Variants in BEGAIN observed in about 807,000 individuals in gnomAD.
BEGAIN encodes brain enriched guanylate kinase associated.
A neutral mutation model predicts 35.8 loss-of-function variants in BEGAIN; 19 were observed. The observed-to-expected ratio is 0.53, with a 90% CI of 0.37 to 0.78. BEGAIN has a LOEUF of 0.78. Among genes scored for constraint, BEGAIN ranks in the 30% least tolerant of loss-of-function variants. BEGAIN has a pLI of 0.00. For missense variants in BEGAIN, 795 were observed against 853.6 expected, an observed-to-expected ratio of 0.93 and a Z score of 0.85; for synonymous variants, 462 against 388.6, an observed-to-expected ratio of 1.19 and a Z score of -2.22.
rs1325588508 is a variant in BEGAIN, at chr14:100,568,262, C to T, written c.43-323G>A. 2.8e-5 allele frequency: 18 copies of T among 638,026 alleles called. No homozygotes were observed. Among genetic ancestry groups the T allele is most frequent in the African/African-American group, 2.2e-4 (11 of 50,518 alleles). The allele number at this position is 638,026 out of a possible 1,614,324, so 39.5% of individuals were successfully genotyped here. A position where few individuals can be genotyped will look rare whatever the true frequency, so the allele number is the denominator to read the frequency against. On this transcript the variant is annotated intron_variant, in intron 1 of 6. Coordinates refer to ENST00000554140, the MANE Select transcript of BEGAIN (RefSeq NM_001385089.1). This position sits in a 1 kb window ranked among gnomAD's most constrained non-coding sequence, Gnocchi z 7.5. ...CTCGGCCTCGCCCGGAGGAGGGGGA[C>T]TCGGCCTGTCCCCGTTAACTCTCCG...
At chr14:100,584,286 G>A (rs1286339639) in intron 1 of BEGAIN, among the ~76,000 whole-genome samples, 1 of 152,180 alleles carries the variant, frequency 6.6e-6, no homozygotes, top group Non-Finnish European at 1.5e-5. Context: ...CTGGGCCCTG[G>A]CTGATCCCCA....
intron 2 of BEGAIN, among the ~76,000 whole-genome samples, chr14:100,559,082 T>C (rs1257505517): frequency 6.6e-6 from 1 of 152,154 alleles, no homozygotes; most frequent in Non-Finnish European, 1.5e-5. Flanking sequence ...GCCCCAGAGA[T>C]GCTCACACCA....
chr14:100,551,936 G>A (rs2033244269), intron 2 of BEGAIN, among the ~76,000 whole-genome samples: 2 of 152,194 alleles, frequency 1.3e-5, no homozygotes, highest in African/African-American at 4.8e-5. Flanking sequence ...CCGGTCCCAG[G>A]TCTACCCTCA....
chr14:100,546,714 C>T, intron 2 of BEGAIN, 52 bp from the exon 3 acceptor site: 2 of 1,499,382 alleles, frequency 1.3e-6, no homozygotes, highest in Admixed American at 4.4e-5. Context: ...GCGGGGGAAA[C>T]TAAGGCCCGC....
intron 2 of BEGAIN, among the ~76,000 whole-genome samples, chr14:100,561,688 C>T (rs1050432444): frequency 6.6e-6 from 1 of 151,812 alleles, no homozygotes; most frequent in Non-Finnish European, 1.5e-5. Flanking sequence ...GGACTGCACT[C>T]CAGCCTGGCG....
chr14:100,567,099 G>T lies in BEGAIN; in HGVS notation c.71+812C>A, dbSNP rs2034752543. ...GACGGAGACCCTGTGGGCCAGGGGA[G>T]ACAGTGCTGAAACCCAGCAGCCAGA... On this transcript the variant is annotated intron_variant, in intron 2 of 6. Transcript: ENST00000554140. The surrounding 1 kb of genome is among the most constrained non-coding windows in gnomAD (Gnocchi z 5.1). Among the ~76,000 whole-genome samples the T allele has an allele frequency of 1.3e-5, 2 of 152,174 alleles. No homozygotes were observed. Among genetic ancestry groups the T allele is most frequent in the Non-Finnish European group, 2.9e-5 (2 of 68,016 alleles).
chr14:100,564,084 G>A (rs529139275), intron 2 of BEGAIN, among the ~76,000 whole-genome samples: 5 of 151,026 alleles, frequency 3.3e-5, no homozygotes, highest in African/African-American at 9.8e-5. Flanking sequence ...GCTGTCTGTG[G>A]GGAAGGGTCT....
Position 100,567,808 on chromosome 14 carries a change from C to T in BEGAIN, c.71+103G>A. 7.9e-7 allele frequency: 1 copy of T among 1,264,580 alleles called. No homozygotes were observed. Among genetic ancestry groups the T allele is most frequent in the African/African-American group, 1.6e-5 (1 of 62,238 alleles). 78.3% of individuals were successfully genotyped at this position (1,264,580 alleles called of 1,614,324 possible). ...GCCCCGCCGAGGCCGCCCGCGGGCC[C>T]TGGGGGATGCGCTCGGGTGGAGCCC... On this transcript the variant is annotated intron_variant, in intron 2 of 6. Coordinates refer to ENST00000554140, the MANE Select transcript of BEGAIN (RefSeq NM_001385089.1). The surrounding 1 kb of genome is among the most constrained non-coding windows in gnomAD (Gnocchi z 5.1).
rs564503717 is a variant in BEGAIN, at chr14:100,567,119, G to A, written c.71+792C>T. On this transcript the variant is annotated intron_variant, in intron 2 of 6. Coordinates refer to ENST00000554140, the MANE Select transcript of BEGAIN (RefSeq NM_001385089.1). This position sits in a 1 kb window ranked among gnomAD's most constrained non-coding sequence, Gnocchi z 5.1. The stretch of plus-strand genomic sequence containing the variant: ...GGGGAGACAGTGCTGAAACCCAGCA[G>A]CCAGAGCTGGGCCTGCCGCCCACAC... 1.3e-5 allele frequency among the ~76,000 whole-genome samples: 2 copies of A among 152,332 alleles called. No homozygotes were observed. The highest frequency in any genetic ancestry group is 1.9e-4 in the East Asian group (1 of 5,174).
chr14:100,545,558 G>T, intron 3 of BEGAIN: 2 of 492,632 alleles, frequency 4.1e-6, no homozygotes, highest in Non-Finnish European at 5.3e-6. Context: ...TGAGTGTCAG[G>T]TGGGAATCAG....
At position 100,537,965 on chromosome 14, in the gene BEGAIN, G is replaced by C; in HGVS notation, c.*4C>G. 1 of 1,603,898 alleles carries C rather than the reference G, an allele frequency of 6.2e-7. No homozygotes were observed. The highest frequency in any genetic ancestry group is 8.5e-7 in the Non-Finnish European group (1 of 1,176,380). Reference sequence around the variant, plus strand: ...GAACCACGGCCAGGCCTGCACGCAGGCGCTCAGTTGAGCAAGGTTCCGTAG... The same window carrying C: ...GAACCACGGCCAGGCCTGCACGCAGCCGCTCAGTTGAGCAAGGTTCCGTAG... On this transcript the variant is annotated 3_prime_UTR_variant, in exon 7 of 7. Transcript: ENST00000554140.
At chr14:100,579,736 G>A (rs1408934614) in intron 1 of BEGAIN, among the ~76,000 whole-genome samples, 2 of 152,202 alleles carry the variant, frequency 1.3e-5, no homozygotes, top group East Asian at 1.9e-4. Flanking sequence ...AACTCAGTGC[G>A]TGGCCTCACC....
chr14:100,570,427 C>T (rs1181674547), intron 1 of BEGAIN, among the ~76,000 whole-genome samples: 1 of 152,232 alleles, frequency 6.6e-6, no homozygotes, highest in African/African-American at 2.4e-5. Flanking sequence ...TGCTGTAGCT[C>T]AAATCCTCCT....
intron 1 of BEGAIN, among the ~76,000 whole-genome samples, chr14:100,584,425 G>A (rs951535953): frequency 2.0e-5 from 3 of 152,188 alleles, no homozygotes; most frequent in East Asian, 1.9e-4. Context: ...GACTCCTGCC[G>A]TACTGGCCAA....
chr14:100,564,089 G>A (rs2034495281), intron 2 of BEGAIN, among the ~76,000 whole-genome samples: 1 of 151,308 alleles, frequency 6.6e-6, no homozygotes, highest in Non-Finnish European at 1.5e-5. Context: ...CTGTGGGGAA[G>A]GGTCTCGGGG....
chr14:100,575,028 T>C (rs2035172805), intron 1 of BEGAIN, among the ~76,000 whole-genome samples: 1 of 152,178 alleles, frequency 6.6e-6, no homozygotes, highest in African/African-American at 2.4e-5. Context: ...AGTAGCCTCT[T>C]GTTTGCTGAC....
intron 2 of BEGAIN, among the ~76,000 whole-genome samples, chr14:100,555,628 GTTCCA>G (rs1366652790): frequency 2.6e-5 from 4 of 152,250 alleles, no homozygotes; most frequent in African/African-American, 4.8e-5. Context: ...CCCGGCTGGG[GTTCCA>G]TTCTAGGCCA....
At chr14:100,574,539 T>A (rs111479466) in intron 1 of BEGAIN, among the ~76,000 whole-genome samples, 1,340 of 133,542 alleles carry the variant, frequency 0.01, 31 homozygotes, top group African/African-American at 0.036. Flanking sequence ...TTTTTTTTTT[T>A]AAACATTTGA....
intron 2 of BEGAIN, among the ~76,000 whole-genome samples, chr14:100,557,534 G>A (rs1368439967): frequency 6.6e-6 from 1 of 152,126 alleles, no homozygotes; most frequent in Non-Finnish European, 1.5e-5. Flanking sequence ...CACTGCCACC[G>A]GGGGTTCTCA....
Sources: allele counts gnomAD v4.1 joint callset (sites outside exome capture counted in the v4.1 genomes callset), GRCh38; gene constraint gnomAD v4.1.1; non-coding constraint Gnocchi (gnomAD v3.1); transcripts MANE v1.5; gene names NCBI Gene and HGNC (gene_info 2026-07-23, HGNC 2026-07-21).